The following ACTL8 variants were observed in gnomAD, a reference collection of about 807,000 sequenced individuals.
ACTL8 encodes the protein actin like 8.
ACTL8 carries 3 observed loss-of-function variants against 9.3 expected under a neutral mutation model. That is an observed-to-expected ratio of 0.32 (90% CI 0.15 to 0.83). ACTL8 has a LOEUF of 0.83. Ranked by LOEUF, ACTL8 falls within the 40% of genes least tolerant of loss-of-function variation. The pLI is 0.57. For synonymous variants in ACTL8, 224 were observed against 205.9 expected (o/e 1.09, Z -0.75); for missense variants, 381 against 492.2 (o/e 0.77, Z 2.14).
At chr1:17,788,320 G>T (rs569167885) in intron 1 of ACTL8, among the ~76,000 whole-genome samples, 33 of 152,314 alleles carry the variant, frequency 2.2e-4, no homozygotes, top group Admixed American at 1.0e-3. Flanking sequence ...TCCACCCCCT[G>T]CTCCTGCCAC....
At chr1:17,758,754 A>C in intron 1 of ACTL8, among the ~76,000 whole-genome samples, 1 of 152,320 alleles carries the variant, frequency 6.6e-6, no homozygotes, top group Non-Finnish European at 1.5e-5. Context: ...TCTTAGCTGT[A>C]GTCTGACTCT....
At chr1:17,766,788 C>T (rs2066047530) in intron 1 of ACTL8, among the ~76,000 whole-genome samples, 1 of 151,954 alleles carries the variant, frequency 6.6e-6, no homozygotes, top group African/African-American at 2.4e-5. Flanking sequence ...TATAAATCAT[C>T]TAGAAAGCCA....
chr1:17,794,606 C>T (rs1225535821), intron 1 of ACTL8, among the ~76,000 whole-genome samples: 2 of 151,784 alleles, frequency 1.3e-5, no homozygotes, highest in Non-Finnish European at 1.5e-5. Context: ...TATAGGCCTC[C>T]CTGGTCTCAT....
intron 1 of ACTL8, among the ~76,000 whole-genome samples, chr1:17,798,627 T>A (rs2066295799): frequency 6.6e-6 from 1 of 152,242 alleles, no homozygotes; most frequent in Admixed American, 6.5e-5. Context: ...TGAGATTGAC[T>A]TGCATTTGTT....
intron 1 of ACTL8, among the ~76,000 whole-genome samples, chr1:17,762,913 G>A (rs2102673960): frequency 6.6e-6 from 1 of 152,242 alleles, no homozygotes; most frequent in Middle Eastern, 3.4e-3. Flanking sequence ...CTGCCTGGTG[G>A]GGCCCGCGCA....
At chr1:17,819,281 C>T (rs6669251) in intron 1 of ACTL8, among the ~76,000 whole-genome samples, 3,852 of 152,358 alleles carry the variant, frequency 0.025, 186 homozygotes, top group African/African-American at 0.089. Context: ...TTCTCTGTCA[C>T]TCTGGATGAT....
intron 1 of ACTL8, among the ~76,000 whole-genome samples, chr1:17,763,469 C>T (rs1020981971): frequency 7.2e-5 from 11 of 152,132 alleles, no homozygotes; most frequent in African/African-American, 2.2e-4. Flanking sequence ...ATCTCAAACT[C>T]GGGGTGGAGT....
chr1:17,808,272 CA>C (rs372509982), intron 1 of ACTL8, among the ~76,000 whole-genome samples: 1 of 152,196 alleles, frequency 6.6e-6, no homozygotes, highest in African/African-American at 2.4e-5. Context: ...TAACAGGAGG[CA>C]GATGGCAATA....
intron 1 of ACTL8, among the ~76,000 whole-genome samples, chr1:17,820,517 A>G (rs1327362891): frequency 6.6e-6 from 1 of 151,478 alleles, no homozygotes; most frequent in Non-Finnish European, 1.5e-5. Context: ...ATTTCCCTTG[A>G]GTAAATACGT....
At chr1:17,795,554 A>G (rs930982477) in intron 1 of ACTL8, among the ~76,000 whole-genome samples, 4 of 149,890 alleles carry the variant, frequency 2.7e-5, no homozygotes, top group Admixed American at 2.1e-4. Context: ...CTACACGAAG[A>G]AAGATTTAGG....
intron 1 of ACTL8, among the ~76,000 whole-genome samples, chr1:17,774,691 C>T (rs1021931816): frequency 3.3e-5 from 5 of 151,948 alleles, no homozygotes; most frequent in Non-Finnish European, 5.9e-5. Flanking sequence ...GAGTGCAGCG[C>T]GCAAGGGGGC....
rs55725416 is a variant in ACTL8, at chr1:17,781,237, CTT to C, written c.-25+25749_-25+25750del. On this transcript the variant is annotated intron_variant, in intron 1 of 2. Coordinates refer to ENST00000375406, the MANE Select transcript of ACTL8 (RefSeq NM_030812.3). ...GAAGGATATCAGGAACATTTTCTTTCTTTTTTTTTTTTTTTTTAATGGAGACA... is the reference window on the plus strand; with the variant it reads ...GAAGGATATCAGGAACATTTTCTTTCTTTTTTTTTTTTTTTAATGGAGACA... Among the ~76,000 whole-genome samples, 360 of 135,922 alleles carry C rather than the reference CTT, an allele frequency of 2.6e-3. 1 individual carries two copies. Among genetic ancestry groups the C allele is most frequent in the African/African-American group, 3.6e-3 (132 of 36,710 alleles). The allele number at this position is 135,922 out of a possible 152,430, so 89.2% of individuals were successfully genotyped here.
intron 1 of ACTL8, among the ~76,000 whole-genome samples, chr1:17,786,238 A>C (rs1434645611): frequency 2.0e-5 from 3 of 152,174 alleles, no homozygotes; most frequent in Non-Finnish European, 4.4e-5. Context: ...ATCACAGGAG[A>C]GAGGATTTAT....
intron 1 of ACTL8, among the ~76,000 whole-genome samples, chr1:17,797,199 C>T (rs544172021): frequency 6.6e-6 from 1 of 152,168 alleles, no homozygotes; most frequent in Non-Finnish European, 1.5e-5. Flanking sequence ...GTTTCAGTTT[C>T]TGCACCTCTC....
chr1:17,806,593 A>T (rs1157398391), intron 1 of ACTL8, among the ~76,000 whole-genome samples: 1 of 152,228 alleles, frequency 6.6e-6, no homozygotes, highest in East Asian at 1.9e-4. Context: ...CCTGTAGCAG[A>T]GGTTCCTGAT....
intron 1 of ACTL8, among the ~76,000 whole-genome samples, chr1:17,771,147 G>A (rs2066080534): frequency 1.3e-5 from 2 of 152,188 alleles, no homozygotes; most frequent in East Asian, 1.9e-4. Context: ...TCTGTCGGAC[G>A]CTGCAACTCA....
chr1:17,778,939 C>A (rs1163110310), intron 1 of ACTL8, among the ~76,000 whole-genome samples: 1 of 152,162 alleles, frequency 6.6e-6, no homozygotes, highest in Non-Finnish European at 1.5e-5. Context: ...GCTGATGACA[C>A]AGGCCCGACC....
chr1:17,785,808 A>G lies in ACTL8; in HGVS notation c.-25+30304A>G, dbSNP rs78563135. 5.7e-3 allele frequency among the ~76,000 whole-genome samples: 866 copies of G among 152,334 alleles called. 11 individuals carry two copies. The highest frequency in any genetic ancestry group is 0.019 in the African/African-American group (804 of 41,572). On this transcript the variant is annotated intron_variant, in intron 1 of 2. Coordinates refer to ENST00000375406, the MANE Select transcript of ACTL8 (RefSeq NM_030812.3). ...CAAATGACTACAGATTTAGAGGCTG[A>G]AAACAGCATTAATTTGTTATCTCAC...
intron 1 of ACTL8, among the ~76,000 whole-genome samples, chr1:17,790,053 A>C (rs1011493184): frequency 6.6e-6 from 1 of 152,196 alleles, no homozygotes; most frequent in Non-Finnish European, 1.5e-5. Context: ...ACAGTCAGAC[A>C]TGCCAGCTGC....
Sources: allele counts gnomAD v4.1 joint callset (sites outside exome capture counted in the v4.1 genomes callset), GRCh38; gene constraint gnomAD v4.1.1; transcripts MANE v1.5; gene names NCBI Gene and HGNC (gene_info 2026-07-23, HGNC 2026-07-21).